PPM1D: variants seen among roughly 807,000 people sequenced by gnomAD.
PPM1D encodes protein phosphatase, Mg2+/Mn2+ dependent 1D.
In PPM1D, 52 loss-of-function variants were observed where a neutral mutation model predicts 58.3. The observed-to-expected ratio is 0.89, with a 90% CI of 0.71 to 1.12. PPM1D has a LOEUF of 1.12. PPM1D is among the 50% of genes most tolerant of loss of function. The probability of loss-of-function intolerance (pLI) is 0.00; values close to 1 mark genes in which losing one functional copy is unlikely to be tolerated. For synonymous variants in PPM1D, 278 were observed against 285.1 expected (o/e 0.98, Z 0.25); for missense variants, 564 against 777.2 (o/e 0.73, Z 3.26).
intron 2 of PPM1D, among the ~76,000 whole-genome samples, chr17:60,632,072 T>A (rs2030933294): frequency 6.6e-6 from 1 of 151,838 alleles, no homozygotes; most frequent in Non-Finnish European, 1.5e-5. Flanking sequence ...CAGCTACTCA[T>A]AGTCCCAGCT....
chr17:60,613,899 C>A (rs1367892616), intron 1 of PPM1D, among the ~76,000 whole-genome samples: 3 of 141,580 alleles, frequency 2.1e-5, no homozygotes, highest in African/African-American at 7.7e-5. Context: ...GGCCCCCCCC[C>A]CGCCACCCCC....
At chr17:60,620,276 C>G (rs1279911649) in intron 1 of PPM1D, among the ~76,000 whole-genome samples, 1 of 152,120 alleles carries the variant, frequency 6.6e-6, no homozygotes, top group Non-Finnish European at 1.5e-5. Flanking sequence ...GGAATACAGG[C>G]ATGAGCCACC....
chr17:60,656,429 G>A (rs996331893), intron 4 of PPM1D, among the ~76,000 whole-genome samples, 170 bp from the exon 5 acceptor site: 2 of 150,672 alleles, frequency 1.3e-5, no homozygotes, highest in Admixed American at 6.6e-5. Context: ...CTTCAGCCTG[G>A]GTGACAGAGG....
chr17:60,619,557 T>C lies in PPM1D; in HGVS notation c.473-3964T>C, dbSNP rs1306861333. 9.2e-5 allele frequency among the ~76,000 whole-genome samples: 14 copies of C among 152,196 alleles called. 1 individual carries two copies. Among genetic ancestry groups the C allele is most frequent in the Admixed American group, 7.9e-4 (12 of 15,270 alleles). On this transcript the variant is annotated intron_variant, in intron 1 of 5. Coordinates refer to ENST00000305921, the MANE Select transcript of PPM1D (RefSeq NM_003620.4). ...CCTGGCCAGCACTTGTTTACTGTTATCTTTTTGATAATAGCCATCCTAATA... is the reference window on the plus strand; with the variant it reads ...CCTGGCCAGCACTTGTTTACTGTTACCTTTTTGATAATAGCCATCCTAATA...
chr17:60,655,277 T>G (rs2031415705), intron 4 of PPM1D, among the ~76,000 whole-genome samples: 1 of 151,814 alleles, frequency 6.6e-6, no homozygotes, highest in Non-Finnish European at 1.5e-5. Context: ...TTTGCAATGA[T>G]TTTTTTTTGT....
In PPM1D at chr17:60,633,937, T is replaced by C; in HGVS notation, c.786T>C (p.Val262=). The C allele has an allele frequency of 6.2e-7, 1 of 1,613,912 alleles. No homozygotes were observed. The highest frequency in any genetic ancestry group is 1.7e-5 in the Admixed American group (1 of 60,014). Residue 262 remains valine, a synonymous_variant, in exon 3 of 6, where the codon GTT becomes GTC. Coordinates refer to ENST00000305921, the MANE Select transcript of PPM1D (RefSeq NM_003620.4). ...THNGPVRRST[V]IDQIPFLAVA... Reference sequence around the variant, plus strand: ...ATGGACCTGTTAGAAGGAGCACAGTTATTGACCAGATTCCTTTTCTGGCAG... The same window carrying C: ...ATGGACCTGTTAGAAGGAGCACAGTCATTGACCAGATTCCTTTTCTGGCAG...
At chr17:60,622,965 C>T (rs1319126182) in intron 1 of PPM1D, among the ~76,000 whole-genome samples, 1 of 152,116 alleles carries the variant, frequency 6.6e-6, no homozygotes, top group Non-Finnish European at 1.5e-5. Flanking sequence ...GGGATGGTGG[C>T]AGGCGCCTGT....
At chr17:60,642,310 A>C (rs1295417981) in intron 3 of PPM1D, among the ~76,000 whole-genome samples, 1 of 151,696 alleles carries the variant, frequency 6.6e-6, no homozygotes, top group Non-Finnish European at 1.5e-5. Context: ...AAGAATCTGT[A>C]AGTCTATATA....
At chr17:60,645,602 A>G (rs902482666) in intron 3 of PPM1D, among the ~76,000 whole-genome samples, 16 of 140,608 alleles carry the variant, frequency 1.1e-4, no homozygotes, top group Admixed American at 9.4e-4. Context: ...ATATATGTAT[A>G]TATATGTGTG....
At chr17:60,643,570 A>C (rs895845588) in intron 3 of PPM1D, among the ~76,000 whole-genome samples, 2 of 152,206 alleles carry the variant, frequency 1.3e-5, no homozygotes, top group African/African-American at 2.4e-5. Flanking sequence ...GGTACAGAAC[A>C]GGATATTTCA....
intron 1 of PPM1D, among the ~76,000 whole-genome samples, chr17:60,613,200 G>T (rs766542016): frequency 6.6e-6 from 1 of 151,348 alleles, no homozygotes; most frequent in Non-Finnish European, 1.5e-5. Flanking sequence ...TGAAAGCAGT[G>T]TAGCCTTTTT....
chr17:60,651,045 C>T (rs2031333603), intron 4 of PPM1D, among the ~76,000 whole-genome samples: 1 of 152,082 alleles, frequency 6.6e-6, no homozygotes, highest in African/African-American at 2.4e-5. Context: ...AATATATGCA[C>T]TTAGAGAGAC....
intron 3 of PPM1D, among the ~76,000 whole-genome samples, chr17:60,646,050 G>A (rs985740202): frequency 6.6e-5 from 10 of 152,044 alleles, no homozygotes; most frequent in African/African-American, 1.9e-4. Flanking sequence ...TGACGTAGGA[G>A]GATCACTTGA....
intron 3 of PPM1D, among the ~76,000 whole-genome samples, chr17:60,634,854 C>G (rs2030993296): frequency 6.6e-6 from 1 of 152,156 alleles, no homozygotes; most frequent in African/African-American, 2.4e-5. Flanking sequence ...GATGACAGCT[C>G]ACTGCAACCT....
intron 5 of PPM1D, 28 bp downstream of exon 5, chr17:60,656,869 T>A: frequency 6.2e-7 from 1 of 1,613,098 alleles, no homozygotes; most frequent in Non-Finnish European, 8.5e-7. Flanking sequence ...TTTTAAGTTA[T>A]GTTTTAATAG....
At chr17:60,659,914 ATAT>A (rs1248234987) in intron 5 of PPM1D, among the ~76,000 whole-genome samples, 1 of 152,238 alleles carries the variant, frequency 6.6e-6, no homozygotes, top group Non-Finnish European at 1.5e-5. Context: ...TGTCAGAATA[ATAT>A]TCTGTGCATT....
At chr17:60,638,710 TTC>T (rs1450235102) in intron 3 of PPM1D, among the ~76,000 whole-genome samples, 3 of 152,142 alleles carry the variant, frequency 2.0e-5, no homozygotes, top group Admixed American at 6.6e-5. Context: ...GTTATTGGTT[TTC>T]TGAGTTTAGC....
intron 3 of PPM1D, among the ~76,000 whole-genome samples, chr17:60,638,745 G>A (rs1389312300): frequency 6.6e-6 from 1 of 152,052 alleles, no homozygotes; most frequent in Non-Finnish European, 1.5e-5. Context: ...AATACTTACT[G>A]GCCTAAAGTA....
chr17:60,657,001 A>C (rs1288924958), intron 5 of PPM1D, 160 bp downstream of exon 5: 1 of 1,547,868 alleles, frequency 6.5e-7, no homozygotes, highest in East Asian at 2.4e-5. Flanking sequence ...TTACATCAAT[A>C]CTAATCTGAA....
Sources: gnomAD v4.1 joint callset for allele counts (sites outside exome capture counted in the v4.1 genomes callset) on GRCh38, gnomAD v4.1.1 for gene constraint, MANE v1.5 for transcripts, NCBI Gene and HGNC (gene_info 2026-07-23, HGNC 2026-07-21) for gene names.